The following ITGA10 variants were observed in gnomAD, a reference collection of about 807,000 sequenced individuals.
The protein encoded by ITGA10 is integrin alpha-10.
In ITGA10, 105 loss-of-function variants were observed where a neutral mutation model predicts 145.2. That is an observed-to-expected ratio of 0.72 (90% confidence interval 0.62 to 0.85). The LOEUF (loss-of-function observed/expected upper bound fraction) is 0.85, where lower values mean the gene tolerates loss of function less well. ITGA10 is among the 40% of genes least tolerant of loss of function. The pLI is 0.00. For missense variants in ITGA10, 1,317 were observed against 1,444.5 expected, an observed-to-expected ratio of 0.91 and a Z score of 1.43; for synonymous variants, 506 against 557.8, an observed-to-expected ratio of 0.91 and a Z score of 1.31.
At chr1:145,905,890 T>A (rs1657064728) in intron 5 of ITGA10, 1 of 154,750 alleles carries the variant, frequency 6.5e-6, no homozygotes, top group African/African-American at 2.4e-5. Context: ...GGCCAGATCA[T>A]GGACTCCTGA....
At chr1:145,905,698 TCCTGAGTA>T (rs2101826180) in intron 5 of ITGA10, 1 of 152,464 alleles carries the variant, frequency 6.6e-6, no homozygotes, top group East Asian at 1.9e-4. Context: ...CACCTTGGCC[TCCTGAGTA>T]GCTGGGACCA....
chr1:145,899,453 A>T, intron 15 of ITGA10, 112 bp from the exon 16 acceptor site: 2 of 1,163,736 alleles, frequency 1.7e-6, no homozygotes, highest in South Asian at 1.4e-5. Flanking sequence ...GGCTGAATGC[A>T]CATGTCACCC....
At chr1:145,896,481 T>G in intron 23 of ITGA10, 129 bp from the exon 24 acceptor site, 1 of 753,612 alleles carries the variant, frequency 1.3e-6, no homozygotes, top group Non-Finnish European at 2.4e-6. Context: ...TGGGGGTACA[T>G]GGAGAAGACA....
chr1:145,909,629 ATAT>A (rs1411730243), intron 1 of ITGA10, among the ~76,000 whole-genome samples: 5 of 139,248 alleles, frequency 3.6e-5, no homozygotes, highest in South Asian at 2.1e-4. Context: ...ATTATGTTAT[ATAT>A]TATATGTATA....
intron 23 of ITGA10, 114 bp from the exon 24 acceptor site, chr1:145,896,466 A>G: frequency 1.2e-6 from 1 of 812,126 alleles, no homozygotes; most frequent in Non-Finnish European, 2.2e-6. Context: ...ACATGGATAA[A>G]GAGGTGGGGG....
Position 145,909,474 on chromosome 1 carries a change from ATATG to A in ITGA10, c.52+485_52+488del, listed in dbSNP as rs1424860827. 3.1e-5 allele frequency among the ~76,000 whole-genome samples: 4 copies of A among 130,486 alleles called. No homozygotes were observed. In the South Asian group the frequency reaches 6.6e-4, roughly 22 times the overall value. 85.6% of individuals were successfully genotyped at this position (130,486 alleles called of 152,430 possible). A position where few individuals can be genotyped will look rare whatever the true frequency, so the allele number is the denominator to read the frequency against. On this transcript the variant is annotated intron_variant, in intron 1 of 29. Coordinates refer to ENST00000369304, the MANE Select transcript of ITGA10 (RefSeq NM_003637.5). The stretch of plus-strand genomic sequence containing the variant: ...ATAATATATAATTATGTTATATATT[ATATG>A]TATATTATATATAATATATAATTAT...
intron 27 of ITGA10, 102 bp downstream of exon 27, chr1:145,895,178 G>C: frequency 9.2e-6 from 7 of 757,694 alleles, no homozygotes; most frequent in Non-Finnish European, 1.6e-5. Context: ...GCTAGTAAGA[G>C]GCAAAAGTGA....
intron 14 of ITGA10, among the ~76,000 whole-genome samples, chr1:145,900,583 C>A (rs1018009203): frequency 6.6e-6 from 1 of 152,134 alleles, no homozygotes; most frequent in Non-Finnish European, 1.5e-5. Context: ...CTTTATAATG[C>A]TCCCGTCAGT....
chr1:145,902,549 C>G lies in ITGA10; in HGVS notation c.980G>C (p.Ser327Thr). Residue 327 changes from serine (S) to threonine (T), a missense_variant, in exon 9 of 30, where the codon AGT becomes ACT. Ser to Thr is a moderately conservative substitution (Grantham distance 58, BLOSUM62 1). Coordinates refer to ENST00000369304, the MANE Select transcript of ITGA10 (RefSeq NM_003637.5). ...SFLREIRTIA[S>T]DPDERFFFNV... ...GAAGAAGAATCGCTCATCTGGATCA[C>G]TGGCAATAGTTCTAATTTCTCTCAG... 1.9e-6 allele frequency: 3 copies of G among 1,614,010 alleles called. No individual in the cohort carries two copies. The highest frequency in any genetic ancestry group is 2.2e-5 in the South Asian group (2 of 91,052).
chr1:145,906,610 C>T, intron 4 of ITGA10, 102 bp from the exon 5 acceptor site: 1 of 1,280,272 alleles, frequency 7.8e-7, no homozygotes, highest in Non-Finnish European at 1.1e-6. Flanking sequence ...CATTACCTAC[C>T]TTTTGCTTTC....
chr1:145,907,654 G>T, intron 1 of ITGA10, 189 bp from the exon 2 acceptor site: 1 of 960,948 alleles, frequency 1.0e-6, no homozygotes, highest in Non-Finnish European at 1.2e-6. Context: ...CTGTGTTTGT[G>T]TCCAGATGCC....
At chr1:145,899,127 G>A in intron 16 of ITGA10, 48 bp downstream of exon 16, 3 of 1,614,234 alleles carry the variant, frequency 1.9e-6, no homozygotes, top group Non-Finnish European at 2.5e-6. Context: ...TAGTGAGGAA[G>A]GCATGCAAGG....
chr1:145,901,490 G>T lies in ITGA10; in HGVS notation c.1443+26C>A. ...CCCAGAGGTCCCTGGGAATCCAAAG[G>T]TCCCACCCTTCCTTGGATGCCCTAC... On this transcript the variant is annotated intron_variant, in intron 12 of 29. Coordinates refer to ENST00000369304, the MANE Select transcript of ITGA10 (RefSeq NM_003637.5). This position sits in a 1 kb window ranked among gnomAD's most constrained non-coding sequence, Gnocchi z 4.3. 1.3e-6 allele frequency: 2 copies of T among 1,544,940 alleles called. No homozygotes were observed. Among genetic ancestry groups the T allele is most frequent in the Non-Finnish European group, 8.7e-7 (1 of 1,148,554 alleles).
rs1462203762 is a variant in ITGA10, at chr1:145,901,339, A to C, written c.1444-61T>G. 5.0e-6 allele frequency: 8 copies of C among 1,588,498 alleles called. No individual in the cohort carries two copies. Among genetic ancestry groups the C allele is most frequent in the African/African-American group, 2.7e-5 (2 of 74,496 alleles). ...AGGGAAGGTAACTGTAGACAAGTGG[A>C]CTCAGTGGGAAGCACTCACCAGCCT... On this transcript the variant is annotated intron_variant, in intron 12 of 29. Coordinates refer to ENST00000369304, the MANE Select transcript of ITGA10 (RefSeq NM_003637.5). This position sits in a 1 kb window ranked among gnomAD's most constrained non-coding sequence, Gnocchi z 4.3.
Position 145,898,124 on chromosome 1 carries a change from A to T in ITGA10, c.2332T>A (p.Ser778Thr). Residue 778 changes from serine to threonine, a missense_variant, in exon 18 of 30, where the codon TCT (serine) becomes ACT (threonine). Transcript: ENST00000369304. ...GPVLNEGSPTSIQKLVPFSKD... is the reference protein window; with the variant it reads ...GPVLNEGSPTTIQKLVPFSKD... ...GCACTGCTGACCAGCTTTTGTATAG[A>T]GGTGGGTGAGCCCTCATTCAGCACA... is the stretch of plus-strand genomic sequence containing the variant. 6.2e-7 allele frequency: 1 copy of T among 1,613,362 alleles called. No individual in the cohort carries two copies. Among genetic ancestry groups the T allele is most frequent in the Non-Finnish European group, 8.5e-7 (1 of 1,179,350 alleles).
At chr1:145,907,016 G>A in intron 3 of ITGA10, 25 bp downstream of exon 3, 3 of 1,462,772 alleles carry the variant, frequency 2.1e-6, no homozygotes, top group Non-Finnish European at 2.8e-6. Context: ...GGGGTTAGGA[G>A]GAGAAGGGTC....
At position 145,897,319 on chromosome 1, in the gene ITGA10, C is replaced by T. The variant is rs781906412; in HGVS notation, c.2595G>A (p.Val865=). ...LTPQRESPIK[V]ECAAPSAHAR... ...CATGAGCAGAAGGGGCGGCACATTC[C>T]ACCTTTATTGGGCTCTCTCTCTGAG... Residue 865 remains valine (V), a synonymous_variant, in exon 21 of 30, where the codon GTG becomes GTA. Transcript: ENST00000369304. The T allele has an allele frequency of 1.2e-5, 19 of 1,613,974 alleles. No homozygotes were observed. In the South Asian group the frequency reaches 1.9e-4, roughly 16 times the overall value.
At chr1:145,897,151 G>C (rs1655528129) in intron 21 of ITGA10, 64 bp from the exon 22 acceptor site, 1 of 1,559,166 alleles carries the variant, frequency 6.4e-7, no homozygotes, top group South Asian at 1.1e-5. Flanking sequence ...AGAGGAACAG[G>C]AGCCCTTGTG....
chr1:145,900,663 T>G (rs1462551151), intron 14 of ITGA10, 127 bp downstream of exon 14: 1 of 938,588 alleles, frequency 1.1e-6, no homozygotes, highest in Non-Finnish European at 1.6e-6. Context: ...TGCCTTATGT[T>G]TTTGCCTACT....
Sources: gnomAD v4.1 joint callset for allele counts (sites outside exome capture counted in the v4.1 genomes callset) on GRCh38, gnomAD v4.1.1 for gene constraint, Gnocchi (gnomAD v3.1) non-coding constraint, MANE v1.5 for transcripts, NCBI Gene and HGNC (gene_info 2026-07-23, HGNC 2026-07-21) for gene names.